VWC2L: variants seen among roughly 807,000 people sequenced by gnomAD.
VWC2L encodes von Willebrand factor C domain-containing protein 2-like.
A neutral mutation model predicts 21.6 loss-of-function variants in VWC2L; 10 were observed. The ratio of observed to expected loss-of-function variants is 0.46; its 90% CI spans 0.29 to 0.78. The LOEUF (loss-of-function observed/expected upper bound fraction) is 0.78. Among genes scored for constraint, VWC2L ranks in the 30% least tolerant of loss-of-function variants. The probability of loss-of-function intolerance (pLI) is 0.10; values close to 1 mark genes in which losing one functional copy is unlikely to be tolerated. For missense variants in VWC2L, 209 were observed against 277.1 expected (o/e 0.75, Z 1.74); for synonymous variants, 96 against 94.3 (o/e 1.02, Z -0.10).
chr2:214,527,691 C>A (rs182468059), intron 3 of VWC2L, among the ~76,000 whole-genome samples: 1 of 152,162 alleles, frequency 6.6e-6, no homozygotes, highest in East Asian at 1.9e-4. Context: ...TTTCCACAAG[C>A]CTGCCCTGAC....
At chr2:214,446,458 C>T (rs1365217217) in intron 3 of VWC2L, among the ~76,000 whole-genome samples, 1 of 152,074 alleles carries the variant, frequency 6.6e-6, no homozygotes, top group African/African-American at 2.4e-5. Flanking sequence ...AACAGGATTC[C>T]CTCTTAATTC....
intron 3 of VWC2L, among the ~76,000 whole-genome samples, chr2:214,443,730 G>A (rs1326964311): frequency 2.0e-5 from 3 of 152,106 alleles, no homozygotes; most frequent in Non-Finnish European, 4.4e-5. Flanking sequence ...TGTTTGGTAG[G>A]TAAACACTAA....
At position 214,575,996 on chromosome 2, in the gene VWC2L, T is replaced by C; in HGVS notation, c.*176T>C. 1 of 596,522 alleles carries C rather than the reference T, an allele frequency of 1.7e-6. No homozygotes were observed. The highest frequency in any genetic ancestry group is 2.8e-6 in the Non-Finnish European group (1 of 361,582). The allele number at this position is 596,522 out of a possible 1,614,324, so 37.0% of individuals were successfully genotyped here. A position where few individuals can be genotyped will look rare whatever the true frequency, so the allele number is the denominator to read the frequency against. ...TCCTAAGAGGAAATTTCTTTCTCTC[T>C]TGCTATATAAAATATATATAGTATA... On this transcript the variant is annotated 3_prime_UTR_variant, in exon 4 of 4. Transcript: ENST00000312504.
intron 3 of VWC2L, among the ~76,000 whole-genome samples, chr2:214,448,161 A>AGG (rs1236608278): frequency 2.6e-5 from 4 of 152,182 alleles, no homozygotes; most frequent in African/African-American, 7.2e-5. Flanking sequence ...TCCCCTCCTC[A>AGG]GGACACAGGG....
chr2:214,567,595 C>CAG lies in VWC2L; in HGVS notation c.521-8057_521-8056dup, dbSNP rs10528003. ...ACACACACACACACACACACACACA[C>CAG]AGAGAGAGAGAGAGAGAGAGATAAT... On this transcript the variant is annotated intron_variant, in intron 3 of 3. Transcript: ENST00000312504. Among the ~76,000 whole-genome samples the CAG allele has an allele frequency of 2.1e-3, 282 of 135,354 alleles. 3 individuals carry two copies. The highest frequency in any genetic ancestry group is 8.1e-3 in the African/African-American group (261 of 32,104). The allele number at this position is 135,354 out of a possible 152,430, so 88.8% of individuals were successfully genotyped here.
intron 2 of VWC2L, among the ~76,000 whole-genome samples, chr2:214,423,486 A>C (rs1016513973): frequency 6.6e-6 from 1 of 152,162 alleles, no homozygotes; most frequent in African/African-American, 2.4e-5. Flanking sequence ...GTTTAACAGA[A>C]AAATACCAGC....
chr2:214,477,386 T>C (rs1688540076), intron 3 of VWC2L, among the ~76,000 whole-genome samples: 1 of 152,210 alleles, frequency 6.6e-6, no homozygotes, highest in African/African-American at 2.4e-5. Flanking sequence ...TTGTCCTTGG[T>C]TCAACTCAAA....
At chr2:214,557,851 A>G (rs1283408279) in intron 3 of VWC2L, among the ~76,000 whole-genome samples, 1 of 152,132 alleles carries the variant, frequency 6.6e-6, no homozygotes, top group Non-Finnish European at 1.5e-5. Context: ...TCTCTTTTAC[A>G]TTCAACCTCT....
intron 3 of VWC2L, among the ~76,000 whole-genome samples, chr2:214,542,109 T>C (rs933138684): frequency 3.3e-5 from 5 of 152,124 alleles, no homozygotes; most frequent in African/African-American, 1.2e-4. Context: ...AATGGCTTCC[T>C]CTTATTTTAG....
rs55864016 is a variant in VWC2L at position 214,563,546 on chromosome 2, CAAAAAAAAAAAAAAAA to C, written c.521-12106_521-12091del. Among the ~76,000 whole-genome samples, 122 of 95,854 alleles carry C rather than the reference CAAAAAAAAAAAAAAAA, an allele frequency of 1.3e-3. 2 individuals carry two copies. In the East Asian group the frequency reaches 0.02, roughly 16 times the overall value. The allele number at this position is 95,854 out of a possible 152,430, so 62.9% of individuals were successfully genotyped here. Reference sequence around the variant, plus strand: ...TGGGTGACACAGCAAGACTCCGTCTCAAAAAAAAAAAAAAAAAAAAAAAAAAAAAAAAAAATCAAGT... The same window carrying C: ...TGGGTGACACAGCAAGACTCCGTCTCAAAAAAAAAAAAAAAAAAATCAAGT... On this transcript the variant is annotated intron_variant, in intron 3 of 3. Transcript: ENST00000312504.
At chr2:214,561,509 T>C (rs1239301161) in intron 3 of VWC2L, among the ~76,000 whole-genome samples, 1 of 152,082 alleles carries the variant, frequency 6.6e-6, no homozygotes, top group Admixed American at 6.6e-5. Flanking sequence ...GGCGTGGTAG[T>C]TCATGCCTAT....
chr2:214,503,553 G>C (rs945744578), intron 3 of VWC2L, among the ~76,000 whole-genome samples: 1 of 152,064 alleles, frequency 6.6e-6, no homozygotes, highest in Admixed American at 6.6e-5. Context: ...TCAAAACTTA[G>C]AAAGCATTAA....
chr2:214,523,133 G>T (rs1030983960), intron 3 of VWC2L, among the ~76,000 whole-genome samples: 3 of 152,108 alleles, frequency 2.0e-5, no homozygotes, highest in Non-Finnish European at 4.4e-5. Context: ...AAAATGTCCA[G>T]GTCCTAATCC....
intron 3 of VWC2L, among the ~76,000 whole-genome samples, chr2:214,499,500 CGTG>C (rs1164948048): frequency 9.4e-6 from 1 of 106,796 alleles, no homozygotes; most frequent in African/African-American, 3.8e-5. Flanking sequence ...TGGAGCCTGT[CGTG>C]GGGTGGGGGG....
chr2:214,498,392 G>T (rs1259707346), intron 3 of VWC2L, among the ~76,000 whole-genome samples: 1 of 152,058 alleles, frequency 6.6e-6, no homozygotes, highest in Non-Finnish European at 1.5e-5. Context: ...GAGGCCTATT[G>T]TTCAATGACC....
intron 3 of VWC2L, among the ~76,000 whole-genome samples, chr2:214,574,106 C>T (rs1326279717): frequency 6.6e-6 from 1 of 152,188 alleles, no homozygotes; most frequent in Non-Finnish European, 1.5e-5. Flanking sequence ...TGCGCCACTG[C>T]ACTCCAGTCT....
At chr2:214,491,394 A>C (rs760893711) in intron 3 of VWC2L, among the ~76,000 whole-genome samples, 1 of 152,208 alleles carries the variant, frequency 6.6e-6, no homozygotes, top group Admixed American at 6.5e-5. Flanking sequence ...GCAATGGGTT[A>C]AATTTGGATG....
intron 3 of VWC2L, among the ~76,000 whole-genome samples, chr2:214,524,719 A>T (rs191762376): frequency 7.1e-4 from 108 of 152,244 alleles, no homozygotes; most frequent in Non-Finnish European, 1.2e-3. Flanking sequence ...ATGCCGCATC[A>T]ATGCCCCAGT....
intron 3 of VWC2L, among the ~76,000 whole-genome samples, chr2:214,562,911 G>A (rs956342930): frequency 2.6e-5 from 4 of 152,116 alleles, no homozygotes; most frequent in East Asian, 1.9e-4. Flanking sequence ...TCTGTAGGTT[G>A]CCTGTTTGCT....
Sources: allele counts gnomAD v4.1 joint callset (sites outside exome capture counted in the v4.1 genomes callset), GRCh38; gene constraint gnomAD v4.1.1; transcripts MANE v1.5; gene names NCBI Gene and HGNC (gene_info 2026-07-23, HGNC 2026-07-21).